Variants in BBX observed in about 807,000 individuals in gnomAD.
BBX encodes BBX high mobility group box domain containing.
BBX carries 30 observed loss-of-function variants against 100.2 expected under a neutral mutation model. The observed-to-expected ratio is 0.30, with a 90% CI of 0.22 to 0.41. BBX has a LOEUF of 0.41. Ranked by LOEUF, BBX falls within the 10% of genes least tolerant of loss-of-function variation. The pLI, the probability that BBX is intolerant of heterozygous loss-of-function variation, is 1.00. For synonymous variants in BBX, 376 were observed against 388.1 expected, an observed-to-expected ratio of 0.97 and a Z score of 0.37; for missense variants, 1,023 against 1,129.8, an observed-to-expected ratio of 0.91 and a Z score of 1.35.
At chr3:107,718,373 A>G (rs972056725) in intron 5 of BBX, among the ~76,000 whole-genome samples, 2 of 150,404 alleles carry the variant, frequency 1.3e-5, no homozygotes, top group African/African-American at 4.9e-5. Flanking sequence ...GATTTTAACT[A>G]TATAGGGCCT....
intron 10 of BBX, among the ~76,000 whole-genome samples, chr3:107,770,307 A>G (rs901605725): frequency 2.0e-5 from 3 of 152,172 alleles, no homozygotes; most frequent in Non-Finnish European, 4.4e-5. Flanking sequence ...CGGTAAGGTA[A>G]ATGTTCCTGA....
chr3:107,566,327 C>G (rs1385682280), intron 2 of BBX, among the ~76,000 whole-genome samples: 2 of 151,756 alleles, frequency 1.3e-5, no homozygotes, highest in Non-Finnish European at 2.9e-5. Flanking sequence ...CCTGATCTTA[C>G]TCTTTTCAAA....
intron 2 of BBX, among the ~76,000 whole-genome samples, chr3:107,578,258 TGGG>T: frequency 6.6e-6 from 1 of 152,154 alleles, no homozygotes; most frequent in East Asian, 1.9e-4. Context: ...GAGGGAGACA[TGGG>T]GGGAGTAGTC....
intron 2 of BBX, among the ~76,000 whole-genome samples, chr3:107,581,836 A>T (rs976679756): frequency 2.0e-5 from 3 of 152,168 alleles, no homozygotes; most frequent in Admixed American, 6.5e-5. Flanking sequence ...GTTGGCTGAT[A>T]TTTTTAGAAA....
intron 10 of BBX, among the ~76,000 whole-genome samples, chr3:107,758,776 A>G (rs2065678151): frequency 6.6e-6 from 1 of 152,156 alleles, no homozygotes; most frequent in African/African-American, 2.4e-5. Flanking sequence ...GTTAACAGTA[A>G]CAAAGAAAAA....
intron 2 of BBX, among the ~76,000 whole-genome samples, chr3:107,635,430 TA>T (rs2056793043): frequency 1.3e-5 from 2 of 152,224 alleles, no homozygotes; most frequent in Non-Finnish European, 2.9e-5. Flanking sequence ...AATTTCAAGA[TA>T]TTGGAAATAC....
chr3:107,589,611 AG>A (rs1344294476), intron 2 of BBX, among the ~76,000 whole-genome samples: 4 of 152,214 alleles, frequency 2.6e-5, no homozygotes, highest in African/African-American at 9.6e-5. Flanking sequence ...GAAGCATGAA[AG>A]CCCAAGTCTT....
intron 8 of BBX, among the ~76,000 whole-genome samples, 158 bp downstream of exon 8, chr3:107,744,868 A>C (rs553556530): frequency 1.3e-5 from 2 of 152,318 alleles, no homozygotes; most frequent in Non-Finnish European, 2.9e-5. Context: ...TTGGGTCTCT[A>C]GAGTTCTTAA....
chr3:107,744,140 C>A (rs994833763), intron 7 of BBX, among the ~76,000 whole-genome samples: 14 of 152,010 alleles, frequency 9.2e-5, no homozygotes, highest in Admixed American at 5.9e-4. Flanking sequence ...TTCATTAGTT[C>A]ACTCCACAAA....
At chr3:107,722,654 T>G (rs935118020) in intron 5 of BBX, among the ~76,000 whole-genome samples, 2 of 152,028 alleles carry the variant, frequency 1.3e-5, no homozygotes, top group Non-Finnish European at 2.9e-5. Context: ...GGAGTGGCTT[T>G]ATTATGAAAG....
intron 3 of BBX, among the ~76,000 whole-genome samples, chr3:107,706,894 A>G (rs994339287): frequency 4.6e-5 from 7 of 152,146 alleles, no homozygotes; most frequent in Non-Finnish European, 1.0e-4. Context: ...TCATCTTTTT[A>G]AAATGATTCT....
At chr3:107,598,632 C>CATTT (rs1277853419) in intron 2 of BBX, among the ~76,000 whole-genome samples, 2 of 152,134 alleles carry the variant, frequency 1.3e-5, no homozygotes, top group Non-Finnish European at 1.5e-5. Flanking sequence ...TTTAGTTTTA[C>CATTT]AGAAAATGAA....
chr3:107,676,555 G>A (rs1001431360), intron 3 of BBX, among the ~76,000 whole-genome samples: 1 of 152,108 alleles, frequency 6.6e-6, no homozygotes, highest in Non-Finnish European at 1.5e-5. Context: ...CTGATATAAT[G>A]ATGCTAATCT....
At chr3:107,531,588 T>C (rs1214248930) in intron 2 of BBX, among the ~76,000 whole-genome samples, 1 of 151,928 alleles carries the variant, frequency 6.6e-6, no homozygotes, top group Non-Finnish European at 1.5e-5. Flanking sequence ...TTTTTTTTTC[T>C]CTAAAGTGAT....
At chr3:107,738,780 G>T (rs1187425449) in intron 7 of BBX, among the ~76,000 whole-genome samples, 1 of 152,162 alleles carries the variant, frequency 6.6e-6, no homozygotes, top group Non-Finnish European at 1.5e-5. Context: ...GGGGCATTTT[G>T]TGAGTGCTTT....
At chr3:107,558,756 G>A (rs1241600368) in intron 2 of BBX, among the ~76,000 whole-genome samples, 1 of 152,182 alleles carries the variant, frequency 6.6e-6, no homozygotes, top group African/African-American at 2.4e-5. Flanking sequence ...TCCACAGCTA[G>A]TAGTGGGATT....
intron 2 of BBX, among the ~76,000 whole-genome samples, chr3:107,569,854 CTG>C (rs1333970537): frequency 6.6e-6 from 1 of 152,100 alleles, no homozygotes; most frequent in Non-Finnish European, 1.5e-5. Flanking sequence ...CCCAAAGTGT[CTG>C]TGATGGTCCA....
chr3:107,706,678 G>A (rs1478500319), intron 3 of BBX, among the ~76,000 whole-genome samples: 1 of 152,132 alleles, frequency 6.6e-6, no homozygotes. Context: ...CTGCATAGAG[G>A]TTATTAGCTT....
intron 2 of BBX, among the ~76,000 whole-genome samples, chr3:107,573,233 A>G (rs554001324): frequency 6.6e-6 from 1 of 152,182 alleles, no homozygotes; most frequent in Non-Finnish European, 1.5e-5. Flanking sequence ...CTCTTTGTAT[A>G]AACTCAAAAT....
Sources: gnomAD v4.1 joint callset for allele counts (sites outside exome capture counted in the v4.1 genomes callset) on GRCh38, gnomAD v4.1.1 for gene constraint, MANE v1.5 for transcripts, NCBI Gene and HGNC (gene_info 2026-07-23, HGNC 2026-07-21) for gene names.